NFU1: variants seen among roughly 807,000 people sequenced by gnomAD.
NFU1 encodes the protein NFU1 iron-sulfur cluster scaffold, also known as NFU1 iron-sulfur cluster scaffold homolog, mitochondrial.
NFU1 carries 30 observed loss-of-function variants against 32.2 expected under a neutral mutation model. The ratio of observed to expected loss-of-function variants is 0.93; its 90% confidence interval spans 0.70 to 1.26. The LOEUF is 1.26. Ranked by LOEUF, NFU1 falls within the 50% of genes most tolerant of loss-of-function variation. NFU1 has a pLI of 0.00. For synonymous variants in NFU1, 112 were observed against 104.6 expected (o/e 1.07, Z -0.43); for missense variants, 306 against 306.6 (o/e 1.00, Z 0.02).
At chr2:69,432,506 AGAGGTT>A (rs1292992411) in intron 1 of NFU1, among the ~76,000 whole-genome samples, 1 of 152,028 alleles carries the variant, frequency 6.6e-6, no homozygotes, top group African/African-American at 2.4e-5. Flanking sequence ...CCCAGGAGGC[AGAGGTT>A]GCAGTGAGCC....
chr2:69,438,820 A>G (rs968435525), upstream of NFU1, among the ~76,000 whole-genome samples: 4 of 151,410 alleles, frequency 2.6e-5, no homozygotes, highest in South Asian at 2.1e-4. Flanking sequence ...TTCATTCCCA[A>G]TGCTGCGTAC....
chr2:69,434,752 CAG>C (rs961289182), intron 1 of NFU1, among the ~76,000 whole-genome samples: 3 of 152,160 alleles, frequency 2.0e-5, no homozygotes, highest in Non-Finnish European at 2.9e-5. Flanking sequence ...TTCATCAAGA[CAG>C]GGGATTTGCA....
At chr2:69,412,857 CAA>C (rs375424451) in intron 5 of NFU1, among the ~76,000 whole-genome samples, 11 of 103,674 alleles carry the variant, frequency 1.1e-4, no homozygotes, top group Non-Finnish European at 2.0e-4. Context: ...GTCACTGTCT[CAA>C]AAAAAAAAAA....
chr2:69,400,333 A>G, intron 7 of NFU1, 31 bp downstream of exon 7: 1 of 1,596,118 alleles, frequency 6.3e-7, no homozygotes, highest in South Asian at 1.1e-5. Flanking sequence ...AAAATGAAAA[A>G]AATCTAGACT....
chr2:69,424,002 G>A (rs868561743), intron 2 of NFU1, among the ~76,000 whole-genome samples: 16 of 151,078 alleles, frequency 1.1e-4, no homozygotes, highest in Middle Eastern at 3.4e-3. Context: ...GTGAAGCCTC[G>A]TCTCTACTAA....
intron 4 of NFU1, among the ~76,000 whole-genome samples, chr2:69,418,256 T>C (rs1323745919): frequency 6.6e-6 from 1 of 152,050 alleles, no homozygotes; most frequent in Non-Finnish European, 1.5e-5. Context: ...AAAAATTAGT[T>C]GGACATGGTG....
intron 5 of NFU1, among the ~76,000 whole-genome samples, chr2:69,413,013 G>T (rs7602427): frequency 6.6e-6 from 1 of 151,878 alleles, no homozygotes; most frequent in Non-Finnish European, 1.5e-5. Context: ...ACAAGATACC[G>T]GCCAGGCTCA....
At chr2:69,404,941 C>CAATGT (rs1672648947) in intron 6 of NFU1, among the ~76,000 whole-genome samples, 1 of 151,418 alleles carries the variant, frequency 6.6e-6, no homozygotes, top group Non-Finnish European at 1.5e-5. Flanking sequence ...GAATACAATA[C>CAATGT]ATTGTTACTA....
At position 69,419,559 on chromosome 2, in the gene NFU1, T is replaced by C. The variant is rs757661442; in HGVS notation, c.348A>G (p.Pro116=). 8 of 1,591,324 alleles carry C rather than the reference T, an allele frequency of 5.0e-6. No individual in the cohort carries two copies. Among genetic ancestry groups the C allele is most frequent in the Non-Finnish European group, 6.9e-6 (8 of 1,160,458 alleles). Residue 116 remains proline, a synonymous_variant, in exon 4 of 8, where the codon CCA becomes CCG. Transcript: ENST00000410022. ...TTACCTTTGTGACAGTGATGAAATC[T>C]GGTCCAAAGAAGACACTTTTTACTC... ...IEGVKSVFFG[P]DFITVTKENE...
chr2:69,413,104 G>A (rs1672939870), intron 5 of NFU1, among the ~76,000 whole-genome samples: 1 of 151,688 alleles, frequency 6.6e-6, no homozygotes, highest in Admixed American at 6.6e-5. Flanking sequence ...AGCCAACATG[G>A]TGAAACCCCG....
chr2:69,408,496 G>A (rs926389826), intron 5 of NFU1, among the ~76,000 whole-genome samples: 6 of 152,036 alleles, frequency 3.9e-5, no homozygotes, highest in Non-Finnish European at 7.4e-5. Context: ...AAGGTGGGCA[G>A]ATCACTTGAG....
intron 6 of NFU1, among the ~76,000 whole-genome samples, chr2:69,404,419 G>C (rs1672626290): frequency 6.7e-6 from 1 of 150,142 alleles, no homozygotes; most frequent in Non-Finnish European, 1.5e-5. Flanking sequence ...TTGAACCTGG[G>C]AGGCAGAGGT....
intron 5 of NFU1, among the ~76,000 whole-genome samples, chr2:69,412,347 C>A (rs1236723232): frequency 6.6e-6 from 1 of 151,738 alleles, no homozygotes; most frequent in South Asian, 2.1e-4. Context: ...CTGTGCCAGG[C>A]CTCTACAAAA....
chr2:69,397,097 G>A (rs1199884178), intron 7 of NFU1, among the ~76,000 whole-genome samples: 1 of 151,278 alleles, frequency 6.6e-6, no homozygotes, highest in Admixed American at 6.6e-5. Flanking sequence ...CAATTTAACT[G>A]GTATTCTCTA....
rs750424685 is a variant in NFU1, at chr2:69,400,554, A to G, written c.546-16T>C. ...CACAGTTGGCCTGTGAGGTCAAAGA[A>G]TATTTATGACATATTCTTTAAAATA... On this transcript the variant is annotated splice_polypyrimidine_tract_variant and intron_variant, in intron 6 of 7. Coordinates refer to ENST00000410022, the MANE Select transcript of NFU1 (RefSeq NM_001002755.4). The G allele has an allele frequency of 2.7e-5, 44 of 1,610,978 alleles. No individual in the cohort carries two copies. The highest frequency in any genetic ancestry group is 3.7e-5 in the Non-Finnish European group (44 of 1,177,392).
At chr2:69,426,692 A>G (rs1161155793) in intron 2 of NFU1, among the ~76,000 whole-genome samples, 1 of 152,216 alleles carries the variant, frequency 6.6e-6, no homozygotes, top group African/African-American at 2.4e-5. Context: ...CCTTGCTATT[A>G]TGACAACAGC....
At chr2:69,438,728 C>A (rs1673943046), upstream of NFU1, among the ~76,000 whole-genome samples, 1 of 152,130 alleles carries the variant, frequency 6.6e-6, no homozygotes, top group East Asian at 1.9e-4. Flanking sequence ...CCCACAGACA[C>A]ATCTAAGAGG....
intron 2 of NFU1, among the ~76,000 whole-genome samples, chr2:69,427,057 C>G (rs1163222926): frequency 7.9e-5 from 8 of 100,854 alleles, no homozygotes; most frequent in East Asian, 5.2e-4. Context: ...GAGACTAGGT[C>G]TCAAAAAAAA....
At position 69,402,372 on chromosome 2, in the gene NFU1, G is replaced by T. The variant is rs576816178; in HGVS notation, c.546-1834C>A. 2.0e-5 allele frequency among the ~76,000 whole-genome samples: 3 copies of T among 152,142 alleles called. No individual in the cohort carries two copies. In the East Asian group the frequency reaches 5.8e-4, roughly 29 times the overall value. Reference sequence around the variant, plus strand: ...CAGTCTCGCTTTGTCACATAGGCTGGAATACAGTGGCATGATCACAGCTCA... The same window carrying T: ...CAGTCTCGCTTTGTCACATAGGCTGTAATACAGTGGCATGATCACAGCTCA... On this transcript the variant is annotated intron_variant, in intron 6 of 7. Transcript: ENST00000410022.
Sources: allele counts gnomAD v4.1 joint callset (sites outside exome capture counted in the v4.1 genomes callset), GRCh38; gene constraint gnomAD v4.1.1; transcripts MANE v1.5; gene names NCBI Gene and HGNC (gene_info 2026-07-23, HGNC 2026-07-21).